Variants in TCTN2 observed in about 807,000 individuals in gnomAD.
The protein encoded by TCTN2 is tectonic-2.
TCTN2 carries 66 observed loss-of-function variants against 83.4 expected under a neutral mutation model. The ratio of observed to expected loss-of-function variants is 0.79; its 90% CI spans 0.65 to 0.97. The LOEUF (loss-of-function observed/expected upper bound fraction) is 0.97. TCTN2 is among the 50% of genes least tolerant of loss of function. TCTN2 has a pLI of 0.00. For synonymous variants in TCTN2, 301 were observed against 326.7 expected (o/e 0.92, Z 0.85); for missense variants, 794 against 858.1 (o/e 0.93, Z 0.93).
chr12:123,688,666 C>G (rs1047036437), intron 7 of TCTN2, among the ~76,000 whole-genome samples: 1 of 152,180 alleles, frequency 6.6e-6, no homozygotes, highest in African/African-American at 2.4e-5. Context: ...TATAGTCACT[C>G]TTAATCACTG....
rs12811354 is a variant in TCTN2, at chr12:123,707,868, G to A, written c.*155G>A. 0.33 allele frequency: 220,040 copies of A among 669,578 alleles called. 39,008 individuals carry two copies. The highest frequency in any genetic ancestry group is 0.38 in the Non-Finnish European group (142,919 of 371,580). The allele number at this position is 669,578 out of a possible 1,614,324, so 41.5% of individuals were successfully genotyped here. ...TGGGATTACAGGCATGCACCACCAC[G>A]CCCGGCTAATTTTGTATTTTTAGTA... On this transcript the variant is annotated 3_prime_UTR_variant, in exon 18 of 18. Coordinates refer to ENST00000303372, the MANE Select transcript of TCTN2 (RefSeq NM_024809.5).
In TCTN2 at chr12:123,671,556, C is replaced by T. The variant is rs751708996; in HGVS notation, c.132C>T (p.Ser44=). The T allele has an allele frequency of 1.2e-6, 2 of 1,614,048 alleles. No homozygotes were observed. Among genetic ancestry groups the T allele is most frequent in the Non-Finnish European group, 1.7e-6 (2 of 1,180,020 alleles). ...IRMSGPAVSA[S]LVGDTEGVTV... is the part of the protein sequence containing the mutation. The stretch of plus-strand genomic sequence containing the variant: ...TGTCCGGCCCTGCGGTCAGCGCGTC[C>T]CTGGTCGGAGACACCGAGGGTGTGA... The change falls in exon 2 of 18, where the codon TCC becomes TCT. Residue 44 remains serine (S), a synonymous_variant. Transcript: ENST00000303372.
At chr12:123,695,790 T>C (rs1956100454) in intron 11 of TCTN2, 1 of 161,528 alleles carries the variant, frequency 6.2e-6, no homozygotes, top group African/African-American at 2.4e-5. Context: ...AGTGTTGTGA[T>C]TACAGGCATG....
At chr12:123,688,212 T>A in intron 7 of TCTN2, 35 bp downstream of exon 7, 3 of 1,571,568 alleles carry the variant, frequency 1.9e-6, no homozygotes, top group East Asian at 2.3e-5. Context: ...TAGACCGTTC[T>A]CTTTTTTTTT....
At chr12:123,674,614 G>T (rs1955798534) in intron 4 of TCTN2, among the ~76,000 whole-genome samples, 1 of 152,186 alleles carries the variant, frequency 6.6e-6, no homozygotes, top group African/African-American at 2.4e-5. Flanking sequence ...AAAAGGAAGG[G>T]TGGCCAGACG....
chr12:123,673,495 A>G lies in TCTN2; in HGVS notation c.268-120A>G, dbSNP rs532292480. On this transcript the variant is annotated intron_variant, in intron 3 of 17. Coordinates refer to ENST00000303372, the MANE Select transcript of TCTN2 (RefSeq NM_024809.5). ...GAAGATAACTGTGTCATCTCTGTATACATTTCCCTTTTATAAAATGAACGG... is the reference window on the plus strand; with the variant it reads ...GAAGATAACTGTGTCATCTCTGTATGCATTTCCCTTTTATAAAATGAACGG... The G allele has an allele frequency of 3.8e-4, 357 of 951,382 alleles. No individual in the cohort carries two copies. In the African/African-American group the frequency reaches 4.8e-3, roughly 13 times the overall value. The allele number at this position is 951,382 out of a possible 1,614,324, so 58.9% of individuals were successfully genotyped here. A position where few individuals can be genotyped will look rare whatever the true frequency, so the allele number is the denominator to read the frequency against.
chr12:123,695,136 C>G, intron 10 of TCTN2, 84 bp from the exon 11 acceptor site: 2 of 1,394,382 alleles, frequency 1.4e-6, no homozygotes, highest in South Asian at 2.4e-5. Context: ...TGACAAAATG[C>G]AATTTTAAGG....
intron 14 of TCTN2, among the ~76,000 whole-genome samples, chr12:123,702,885 G>A (rs374717830): frequency 6.6e-6 from 1 of 152,206 alleles, no homozygotes; most frequent in Non-Finnish European, 1.5e-5. Flanking sequence ...ATAAGCAGAA[G>A]AGAAGTGGTG....
intron 7 of TCTN2, 47 bp downstream of exon 7, chr12:123,688,224 T>G (rs749153965): frequency 6.3e-7 from 1 of 1,584,856 alleles, no homozygotes; most frequent in African/African-American, 1.4e-5. Context: ...TTTTTTTTTT[T>G]TTTTTTTATG....
chr12:123,706,756 T>G lies in TCTN2; in HGVS notation c.1800T>G (p.Cys600Trp). Residue 600 changes from cysteine (C) to tryptophan (W), a missense_variant, in exon 16 of 18, where the codon TGT becomes TGG. Cys to Trp is a radical substitution (Grantham distance 215, BLOSUM62 -2). Transcript: ENST00000303372. ...RFSSVNWQYQ[C>W]GLTCEHKADL... is the part of the protein sequence containing the mutation. ...CCTCAGTGAACTGGCAGTACCAGTG[T>G]GGGCTTACCTGTGAGCACAAGGCCG... 6.2e-7 allele frequency: 1 copy of G among 1,614,186 alleles called. No homozygotes were observed. Among genetic ancestry groups the G allele is most frequent in the Non-Finnish European group, 8.5e-7 (1 of 1,180,032 alleles).
At chr12:123,682,962 G>T (rs1161711366) in intron 5 of TCTN2, among the ~76,000 whole-genome samples, 1 of 151,690 alleles carries the variant, frequency 6.6e-6, no homozygotes, top group Non-Finnish European at 1.5e-5. Context: ...AGTAGCTCAC[G>T]CCTATAATCC....
At chr12:123,706,950 T>A in intron 16 of TCTN2, 35 bp from the exon 17 acceptor site, 1 of 1,613,306 alleles carries the variant, frequency 6.2e-7, no homozygotes, top group South Asian at 1.1e-5. Flanking sequence ...TACTTCTCAC[T>A]TGTAGTTTTT....
chr12:123,680,492 T>C (rs1955885177), intron 5 of TCTN2, among the ~76,000 whole-genome samples: 1 of 149,836 alleles, frequency 6.7e-6, no homozygotes, highest in Non-Finnish European at 1.5e-5. Flanking sequence ...ATACAACATA[T>C]AAACTCTATT....
At chr12:123,690,971 C>T (rs952608108) in intron 8 of TCTN2, among the ~76,000 whole-genome samples, 3 of 152,044 alleles carry the variant, frequency 2.0e-5, no homozygotes, top group East Asian at 1.9e-4. Flanking sequence ...TAAGTTCAAG[C>T]GATTCTCCTG....
intron 17 of TCTN2, chr12:123,707,334 C>T (rs2135863311): frequency 4.9e-6 from 3 of 612,226 alleles, no homozygotes; most frequent in Non-Finnish European, 8.6e-6. Context: ...GCAACCATTG[C>T]CTCCTGGGTT....
chr12:123,684,661 A>C (rs1435469364), intron 5 of TCTN2, among the ~76,000 whole-genome samples: 1 of 152,054 alleles, frequency 6.6e-6, no homozygotes, highest in African/African-American at 2.4e-5. Context: ...TGGCTTCCCA[A>C]AGTGCTGGGA....
Position 123,686,925 on chromosome 12 carries a change from C to T in TCTN2, c.654C>T (p.Leu218=), listed in dbSNP as rs138897437. The T allele has an allele frequency of 1.9e-3, 3,118 of 1,614,204 alleles. 74 individuals are homozygous for T. The Admixed American group carries it at 0.042, about 22-fold the overall frequency. The change falls in exon 6 of 18, where the codon CTC becomes CTT. Residue 218 remains leucine, a synonymous_variant. Transcript: ENST00000303372. ...GGDVNPPFDQ[L]CSAGTTTRGV... ...ACGTCAATCCTCCTTTTGATCAGCT[C>T]TGCTCTGCTGGGACGACGACACGTG...
At chr12:123,693,734 G>A (rs1030517718) in intron 9 of TCTN2, among the ~76,000 whole-genome samples, 1 of 151,810 alleles carries the variant, frequency 6.6e-6, no homozygotes, top group Admixed American at 6.6e-5. Flanking sequence ...GGTTACAGGC[G>A]TGAGCCACGG....
intron 5 of TCTN2, 80 bp from the exon 6 acceptor site, chr12:123,686,756 A>T: frequency 7.2e-7 from 1 of 1,393,872 alleles, no homozygotes; most frequent in Non-Finnish European, 1.0e-6. Flanking sequence ...TGCTGGCCTT[A>T]AATAAGAGTT....
Sources: allele counts gnomAD v4.1 joint callset (sites outside exome capture counted in the v4.1 genomes callset), GRCh38; gene constraint gnomAD v4.1.1; transcripts MANE v1.5; gene names NCBI Gene and HGNC (gene_info 2026-07-23, HGNC 2026-07-21).